The following D2HGDH variants were observed in gnomAD, a reference collection of about 807,000 sequenced individuals.
D2HGDH encodes D-2-hydroxyglutarate dehydrogenase.
A neutral mutation model predicts 46.9 loss-of-function variants in D2HGDH; 31 were observed. The ratio of observed to expected loss-of-function variants is 0.66; its 90% CI spans 0.50 to 0.89. The LOEUF (loss-of-function observed/expected upper bound fraction) is 0.89, where lower values mean the gene tolerates loss of function less well. Ranked by LOEUF, D2HGDH falls within the 40% of genes least tolerant of loss-of-function variation. The pLI is 0.00. For synonymous variants in D2HGDH, 364 were observed against 332.6 expected (o/e 1.09, Z -1.03); for missense variants, 698 against 720.8 (o/e 0.97, Z 0.36).
chr2:241,760,664 A>G (rs1010316712), intron 9 of D2HGDH, among the ~76,000 whole-genome samples: 3 of 151,230 alleles, frequency 2.0e-5, no homozygotes, highest in African/African-American at 4.9e-5. Context: ...GCCTTACCCA[A>G]TCAGTCGAAG....
intron 9 of D2HGDH, among the ~76,000 whole-genome samples, chr2:241,762,703 G>A (rs559499054): frequency 1.3e-5 from 2 of 152,304 alleles, no homozygotes; most frequent in African/African-American, 4.8e-5. Flanking sequence ...GGCGTTCTCT[G>A]CCGTGTGTGA....
chr2:241,753,524 T>C (rs1318607557), intron 8 of D2HGDH, among the ~76,000 whole-genome samples: 1 of 152,252 alleles, frequency 6.6e-6, no homozygotes, highest in Admixed American at 6.5e-5. Context: ...CTCTGTGGTC[T>C]TTCCCTTCTG....
intron 9 of D2HGDH, 149 bp from the exon 10 acceptor site, chr2:241,767,561 G>C (rs1699247708): frequency 8.9e-7 from 1 of 1,124,652 alleles, no homozygotes; most frequent in South Asian, 1.5e-5. Context: ...GGAGGGGTCG[G>C]CACGTCCAGG....
chr2:241,741,175 C>T (rs1478016825), intron 3 of D2HGDH, 85 bp downstream of exon 3: 7 of 1,322,230 alleles, frequency 5.3e-6, no homozygotes, highest in Admixed American at 1.9e-5. Context: ...GCTGGGGTGA[C>T]GCGGTGCGAA....
chr2:241,747,082 T>C (rs1462870788), intron 6 of D2HGDH, among the ~76,000 whole-genome samples: 1 of 151,946 alleles, frequency 6.6e-6, no homozygotes, highest in Non-Finnish European at 1.5e-5. Context: ...GGATTACAGG[T>C]GCACACCACC....
At chr2:241,744,593 C>T in intron 5 of D2HGDH, 116 bp from the exon 6 acceptor site, 1 of 1,282,320 alleles carries the variant, frequency 7.8e-7, no homozygotes, top group South Asian at 1.2e-5. Flanking sequence ...AAAGTCCATC[C>T]TTCAGCCTCT....
At chr2:241,763,101 G>A (rs1698977176) in intron 9 of D2HGDH, among the ~76,000 whole-genome samples, 1 of 152,222 alleles carries the variant, frequency 6.6e-6, no homozygotes, top group African/African-American at 2.4e-5. Context: ...CTCAGCCTTT[G>A]GGACCCGAGG....
Position 241,761,260 on chromosome 2 carries a change from C to T in D2HGDH, c.1306+5246C>T, listed in dbSNP as rs143868053. ...GTGATTTAAAGTATACAGGAGGGGC[C>T]GGGCACAGTGGCTCACGTCTGTAAT... On this transcript the variant is annotated intron_variant, in intron 9 of 9. Coordinates refer to ENST00000321264, the MANE Select transcript of D2HGDH (RefSeq NM_152783.5). Among the ~76,000 whole-genome samples the T allele has an allele frequency of 4.7e-3, 720 of 152,178 alleles. 3 individuals carry two copies. Among genetic ancestry groups the T allele is most frequent in the African/African-American group, 0.017 (688 of 41,520 alleles).
In D2HGDH at chr2:241,768,375, G is replaced by GGGGGGCATGCGTGGGCAGCA. The variant is rs1270016469; in HGVS notation, c.*413_*432dup. On this transcript the variant is annotated 3_prime_UTR_variant, in exon 10 of 10. Transcript: ENST00000321264. Reference sequence around the variant, plus strand: ...CGTTCCCCGGGCATGCGTGGGCAGCGGGGGGCATGCGTGGGCAGCAGGGGG... The same window carrying GGGGGGCATGCGTGGGCAGCA: ...CGTTCCCCGGGCATGCGTGGGCAGCGGGGGGCATGCGTGGGCAGCAGGGGGCATGCGTGGGCAGCAGGGGG... 2 of 207,930 alleles carry GGGGGGCATGCGTGGGCAGCA rather than the reference G, an allele frequency of 9.6e-6. No homozygotes were observed. Among genetic ancestry groups the GGGGGGCATGCGTGGGCAGCA allele is most frequent in the South Asian group, 8.8e-5 (1 of 11,364 alleles). The allele number at this position is 207,930 out of a possible 1,614,324, so 12.9% of individuals were successfully genotyped here.
At chr2:241,749,482 C>A in intron 6 of D2HGDH, 2 of 945,796 alleles carry the variant, frequency 2.1e-6, no homozygotes, top group Non-Finnish European at 2.8e-6. Flanking sequence ...TCCATCTTTG[C>A]ACTTGAGGGT....
chr2:241,749,484 C>T (rs1224956646), intron 6 of D2HGDH: 2 of 940,728 alleles, frequency 2.1e-6, no homozygotes, highest in East Asian at 1.3e-4. Context: ...CATCTTTGCA[C>T]TTGAGGGTCG....
At chr2:241,744,553 G>C (rs1464760349) in intron 5 of D2HGDH, among the ~76,000 whole-genome samples, 156 bp from the exon 6 acceptor site, 1 of 152,252 alleles carries the variant, frequency 6.6e-6, no homozygotes, top group Non-Finnish European at 1.5e-5. Flanking sequence ...GTGAGCTGCT[G>C]TGTGTGGAGG....
intron 9 of D2HGDH, among the ~76,000 whole-genome samples, chr2:241,760,887 C>CT (rs1698742750): frequency 6.6e-6 from 1 of 152,266 alleles, no homozygotes; most frequent in South Asian, 2.1e-4. Flanking sequence ...AAATCAGTGT[C>CT]TGTCATCTCC....
In D2HGDH at chr2:241,768,070, G is replaced by A; in HGVS notation, c.*101G>A. ...GAGGGATGAGCCGGCAGTGGGCAGG[G>A]GACCAGGCACCTGGTTGAAGGGACT... On this transcript the variant is annotated 3_prime_UTR_variant, in exon 10 of 10. Transcript: ENST00000321264. 1.4e-6 allele frequency: 2 copies of A among 1,450,430 alleles called. No individual in the cohort carries two copies. The highest frequency in any genetic ancestry group is 1.8e-6 in the Non-Finnish European group (2 of 1,093,482). The allele number at this position is 1,450,430 out of a possible 1,614,324, so 89.8% of individuals were successfully genotyped here.
intron 9 of D2HGDH, among the ~76,000 whole-genome samples, chr2:241,758,832 G>A (rs1008153752): frequency 6.7e-5 from 10 of 148,956 alleles, no homozygotes; most frequent in African/African-American, 2.2e-4. Flanking sequence ...CTCATGTAGA[G>A]CCAGTTGTGT....
At chr2:241,757,049 T>C (rs1292664501) in intron 9 of D2HGDH, among the ~76,000 whole-genome samples, 1 of 152,136 alleles carries the variant, frequency 6.6e-6, no homozygotes, top group Non-Finnish European at 1.5e-5. Context: ...CAGGAGGGTC[T>C]AGGGTTGTGT....
rs1357549045 is a variant in D2HGDH at position 241,750,372 on chromosome 2, C to CCCCGGGTGGGCGGGGGGTG, written c.997+85_997+103dup. 2.7e-6 allele frequency: 4 copies of CCCCGGGTGGGCGGGGGGTG among 1,492,328 alleles called. No individual in the cohort carries two copies. The African/African-American group carries it at 6.2e-5, about 23-fold the overall frequency. 92.4% of individuals were successfully genotyped at this position (1,492,328 alleles called of 1,614,324 possible). A position where few individuals can be genotyped will look rare whatever the true frequency, so the allele number is the denominator to read the frequency against. ...CTGGACACATGGGACGGCTCAGAGA[C>CCCCGGGTGGGCGGGGGGTG]CCCGGGTGGGCGGGGGGTGCCCGGG... is the stretch of plus-strand genomic sequence containing the variant. On this transcript the variant is annotated intron_variant, in intron 7 of 9. Coordinates refer to ENST00000321264, the MANE Select transcript of D2HGDH (RefSeq NM_152783.5).
chr2:241,767,837 G>A lies in D2HGDH; in HGVS notation c.1434G>A (p.Val478=). The part of the protein sequence containing the change: ...QQGSVSAEHG[V]GFRKRDVLGY... ...GCAGCGTCAGCGCGGAGCACGGAGT[G>A]GGCTTCAGGAAGAGGGACGTCCTGG... is the stretch of plus-strand genomic sequence containing the variant. The change falls in exon 10 of 10, where the codon GTG becomes GTA. Residue 478 remains valine (V), a synonymous_variant. Transcript: ENST00000321264. 2 of 1,612,300 alleles carry A rather than the reference G, an allele frequency of 1.2e-6. No homozygotes were observed. The highest frequency in any genetic ancestry group is 1.7e-6 in the Non-Finnish European group (2 of 1,179,486).
At chr2:241,752,960 A>G (rs865886826) in intron 8 of D2HGDH, among the ~76,000 whole-genome samples, 3 of 145,932 alleles carry the variant, frequency 2.1e-5, no homozygotes, top group East Asian at 2.1e-4. Context: ...ACTGTCCCCA[A>G]CGCCCCCAGC....
Sources: gnomAD v4.1 joint callset for allele counts (sites outside exome capture counted in the v4.1 genomes callset) on GRCh38, gnomAD v4.1.1 for gene constraint, MANE v1.5 for transcripts, NCBI Gene and HGNC (gene_info 2026-07-23, HGNC 2026-07-21) for gene names.